The following CEP192 variants were observed in gnomAD, a reference collection of about 807,000 sequenced individuals.
The protein encoded by CEP192 is centrosomal protein of 192 kDa.
In CEP192, 151 loss-of-function variants were observed where a neutral mutation model predicts 271.8. That is an observed-to-expected ratio of 0.56 (90% CI 0.49 to 0.64). The LOEUF is 0.64. CEP192 is among the 30% of genes least tolerant of loss of function. CEP192 has a pLI of 0.00. For synonymous variants in CEP192, 995 were observed against 1,076.5 expected (o/e 0.92, Z 1.48); for missense variants, 2,910 against 3,020.5 (o/e 0.96, Z 0.86).
Position 13,029,786 on chromosome 18 carries a change from CA to C in CEP192, c.1175del (p.Gln392ArgfsTer19), listed in dbSNP as rs2035512822. The C allele has an allele frequency of 6.4e-7, 1 of 1,551,606 alleles. No individual in the cohort carries two copies. The highest frequency in any genetic ancestry group is 8.7e-7 in the Non-Finnish European group (1 of 1,146,954). On this transcript the variant is annotated frameshift_variant, in exon 10 of 45. Transcript: ENST00000506447. LOFTEE classifies it high-confidence loss of function. ...TTTTGATCTGACTGACCCTGTAAAA[CA>C]GGGGGCAGAGTGTCCTCACCAAAAT... is the stretch of plus-strand genomic sequence containing the variant. ...GGFDLTDPVK[Q>X]GAECPHQNKT...
In CEP192 at chr18:13,012,974, C is replaced by T. The variant is rs1568278636; in HGVS notation, c.468C>T (p.Asp156=). 6.6e-7 allele frequency: 1 copy of T among 1,506,728 alleles called. No individual in the cohort carries two copies. The highest frequency in any genetic ancestry group is 2.5e-5 in the East Asian group (1 of 40,624). 93.3% of individuals were successfully genotyped at this position (1,506,728 alleles called of 1,614,324 possible). A position where few individuals can be genotyped will look rare whatever the true frequency, so the allele number is the denominator to read the frequency against. ...NRASPLEQAQ[D]SPIDFHLQSW... is the part of the protein sequence containing the mutation. ...GTTTGTTTTTGTTTTCTTACACAGA[C>T]TCACCTATTGATTTTCATTTACAGT... is the stretch of plus-strand genomic sequence containing the variant. The change falls in exon 5 of 45, where the codon GAC becomes GAT. Residue 156 remains aspartate, a splice_region_variant and synonymous_variant. Coordinates refer to ENST00000506447, the MANE Select transcript of CEP192 (RefSeq NM_032142.4).
chr18:13,103,751 T>C, intron 39 of CEP192, 163 bp downstream of exon 39: 2 of 666,700 alleles, frequency 3.0e-6, no homozygotes, highest in South Asian at 3.1e-5. Flanking sequence ...AGTGCAGTGG[T>C]ATGAACACTG....
At chr18:13,056,908 A>G (rs76947621) in intron 19 of CEP192, among the ~76,000 whole-genome samples, 1,573 of 152,316 alleles carry the variant, frequency 0.01, 9 homozygotes, top group Non-Finnish European at 0.014. Flanking sequence ...CAGGCTGCCT[A>G]TGGCTCTGTC....
Position 13,056,054 on chromosome 18 carries a change from G to A in CEP192, c.3464G>A (p.Trp1155Ter). ...CTGTTGGAAACCAGTGAGGTAGGTT[G>A]GACATCAAACCCTGAGGAATTGGAC... ...GNLLETSEVG[W>*]TSNPEELDPI... Residue 1155 changes from tryptophan (W) to a stop codon, truncating the protein, a stop_gained, in exon 19 of 45, where the codon TGG becomes TAG. Transcript: ENST00000506447. LOFTEE classifies it high-confidence loss of function. The A allele has an allele frequency of 6.2e-7, 1 of 1,614,174 alleles. No individual in the cohort carries two copies. The highest frequency in any genetic ancestry group is 8.5e-7 in the Non-Finnish European group (1 of 1,180,036).
intron 9 of CEP192, among the ~76,000 whole-genome samples, chr18:13,024,618 A>T (rs1440492095): frequency 1.3e-5 from 2 of 149,936 alleles, no homozygotes; most frequent in Non-Finnish European, 3.0e-5. Flanking sequence ...ATGCACCACC[A>T]TGCCCAGCTA....
chr18:13,026,681 C>G (rs2035321793), intron 9 of CEP192, among the ~76,000 whole-genome samples: 1 of 152,272 alleles, frequency 6.6e-6, no homozygotes, highest in South Asian at 2.1e-4. Context: ...ATGAGCCCAG[C>G]GTAGACATTC....
intron 11 of CEP192, among the ~76,000 whole-genome samples, chr18:13,035,707 G>A (rs1292339160): frequency 6.6e-6 from 1 of 152,170 alleles, no homozygotes; most frequent in Non-Finnish European, 1.5e-5. Context: ...TTTTAGGGCA[G>A]TGGTTTTTAA....
At chr18:13,073,253 TTG>T (rs2038108808) in intron 30 of CEP192, 68 bp downstream of exon 30, 5 of 1,331,048 alleles carry the variant, frequency 3.8e-6, no homozygotes, top group Non-Finnish European at 5.2e-6. Context: ...TGGTTTAATG[TTG>T]TAAATTATAC....
chr18:13,087,399 G>A, intron 31 of CEP192, 122 bp downstream of exon 31: 1 of 1,051,836 alleles, frequency 9.5e-7, no homozygotes, highest in South Asian at 1.7e-5. Flanking sequence ...AAGTACTTAT[G>A]TGATCTTGGA....
chr18:13,001,562 G>T lies in CEP192; in HGVS notation c.270G>T (p.Gln90His). The T allele has an allele frequency of 6.5e-7, 1 of 1,549,136 alleles. No individual in the cohort carries two copies. The change falls in exon 3 of 45, where the codon CAG becomes CAT. Residue 90 changes from glutamine (Q) to histidine (H), a missense_variant. Transcript: ENST00000506447. ...ATGCTGAACCAAGAGAGAGGTTACA[G>T]CTTAGCTTCCAGGATGATGAGTAAG... is the stretch of plus-strand genomic sequence containing the variant. ...QSDAEPRERL[Q>H]LSFQDDDSIS...
chr18:13,047,656 C>T (rs748691782), intron 15 of CEP192, among the ~76,000 whole-genome samples: 42 of 152,178 alleles, frequency 2.8e-4, no homozygotes, highest in Non-Finnish European at 5.3e-4. Flanking sequence ...GTTTGCTTTA[C>T]CTAGTCTGCT....
chr18:13,048,260 C>T (rs572071245), intron 15 of CEP192, among the ~76,000 whole-genome samples: 2 of 152,326 alleles, frequency 1.3e-5, no homozygotes, highest in East Asian at 3.9e-4. Flanking sequence ...TTTGCTCCAT[C>T]CTGGTAGGAT....
intron 40 of CEP192, among the ~76,000 whole-genome samples, chr18:13,111,730 C>A (rs1277187988): frequency 1.3e-5 from 2 of 152,114 alleles, no homozygotes; most frequent in African/African-American, 4.8e-5. Context: ...ATGTATTTGA[C>A]AAAGGACTTG....
In CEP192 at chr18:13,113,778, G is replaced by T. The variant is rs2040312323; in HGVS notation, c.7167+73G>T. On this transcript the variant is annotated intron_variant, in intron 41 of 44. Transcript: ENST00000506447. ...ACAGAAAGGGAAATTAATAAGAAAA[G>T]TTGGCCTGAAAATGCAGAATATAGC... is the stretch of plus-strand genomic sequence containing the variant. The T allele has an allele frequency of 4.2e-6, 6 of 1,412,334 alleles. No individual in the cohort carries two copies. The East Asian group carries it at 1.5e-4, about 35-fold the overall frequency. 87.5% of individuals were successfully genotyped at this position (1,412,334 alleles called of 1,614,324 possible).
intron 40 of CEP192, among the ~76,000 whole-genome samples, chr18:13,112,604 G>C (rs1254618754): frequency 1.3e-5 from 2 of 152,200 alleles, no homozygotes; most frequent in Non-Finnish European, 2.9e-5. Context: ...GTAGTCCCCA[G>C]TGGTGGTTTT....
At chr18:13,071,876 A>G (rs1244334704) in intron 28 of CEP192, among the ~76,000 whole-genome samples, 2 of 152,208 alleles carry the variant, frequency 1.3e-5, no homozygotes, top group East Asian at 3.8e-4. Context: ...AACTGATGAT[A>G]TGACTCTATG....
intron 44 of CEP192, among the ~76,000 whole-genome samples, chr18:13,121,344 T>C (rs1409890412): frequency 1.3e-5 from 2 of 152,182 alleles, no homozygotes; most frequent in African/African-American, 2.4e-5. Flanking sequence ...TACTTACAAA[T>C]ATGCACTTTT....
intron 4 of CEP192, among the ~76,000 whole-genome samples, chr18:13,012,179 G>A (rs967714093): frequency 7.9e-5 from 12 of 152,196 alleles, no homozygotes; most frequent in Non-Finnish European, 5.9e-5. Flanking sequence ...TTGCTAATGG[G>A]TATAGTGTTT....
intron 21 of CEP192, among the ~76,000 whole-genome samples, chr18:13,064,993 A>G (rs911666263): frequency 6.6e-6 from 1 of 151,910 alleles, no homozygotes; most frequent in Non-Finnish European, 1.5e-5. Flanking sequence ...GAGGTCTTTT[A>G]CTTCTTTGAT....
Sources: gnomAD v4.1 joint callset for allele counts (sites outside exome capture counted in the v4.1 genomes callset) on GRCh38, gnomAD v4.1.1 for gene constraint, MANE v1.5 for transcripts, NCBI Gene and HGNC (gene_info 2026-07-23, HGNC 2026-07-21) for gene names.